The following UTRN variants were observed in gnomAD, a reference collection of about 807,000 sequenced individuals.
UTRN encodes the protein dystrophin-related protein 1.
UTRN carries 283 observed loss-of-function variants against 463.9 expected under a neutral mutation model. The observed-to-expected ratio is 0.61, with a 90% confidence interval of 0.55 to 0.67. The LOEUF is 0.67. UTRN is among the 30% of genes least tolerant of loss of function. The pLI, the probability that UTRN is intolerant of heterozygous loss-of-function variation, is 0.00. For missense variants in UTRN, 3,922 were observed against 4,084.3 expected, an observed-to-expected ratio of 0.96 and a Z score of 1.08; for synonymous variants, 1,442 against 1,431.5, an observed-to-expected ratio of 1.01 and a Z score of -0.17.
chr6:144,605,495 T>C (rs530015924), intron 51 of UTRN, among the ~76,000 whole-genome samples: 6 of 151,824 alleles, frequency 4.0e-5, no homozygotes, highest in Non-Finnish European at 8.8e-5. Context: ...TCTTATTTCA[T>C]TGTGACCGAA....
intron 2 of UTRN, chr6:144,344,256 T>G: frequency 7.7e-7 from 1 of 1,304,210 alleles, no homozygotes; most frequent in Non-Finnish European, 1.0e-6. Context: ...AAAGTGCAGA[T>G]TGGATTTGCC....
intron 19 of UTRN, among the ~76,000 whole-genome samples, chr6:144,456,453 CACCATCCT>C (rs1210079461): frequency 1.3e-5 from 2 of 151,946 alleles, no homozygotes; most frequent in Admixed American, 1.3e-4. Flanking sequence ...AGGAGATCAA[CACCATCCT>C]GGGCAACATG....
intron 51 of UTRN, among the ~76,000 whole-genome samples, chr6:144,655,793 C>G (rs1250174333): frequency 6.6e-6 from 1 of 152,176 alleles, no homozygotes; most frequent in Non-Finnish European, 1.5e-5. Flanking sequence ...CTTATTTGAG[C>G]TGTAAAGAAT....
At position 144,541,935 on chromosome 6, in the gene UTRN, G is replaced by A. The variant is rs1278266757; in HGVS notation, c.6520-860G>A. On this transcript the variant is annotated intron_variant, in intron 45 of 74. Coordinates refer to ENST00000367545, the MANE Select transcript of UTRN (RefSeq NM_007124.3). The stretch of plus-strand genomic sequence containing the variant: ...AGTGTCTAGAAGAGACAGAGAATGA[G>A]CACAGTGTATATAGGTCCAGGAAGT... Among the ~76,000 whole-genome samples the A allele has an allele frequency of 2.0e-5, 3 of 152,334 alleles. No individual in the cohort carries two copies. In the East Asian group the frequency reaches 5.8e-4, roughly 29 times the overall value.
At chr6:144,699,211 C>T (rs1394865138) in intron 52 of UTRN, among the ~76,000 whole-genome samples, 2 of 151,960 alleles carry the variant, frequency 1.3e-5, no homozygotes, top group East Asian at 1.9e-4. Flanking sequence ...AGTCCCTGGC[C>T]GGTGGATCAT....
chr6:144,772,584 A>G (rs1365130276), intron 59 of UTRN, among the ~76,000 whole-genome samples: 1 of 152,218 alleles, frequency 6.6e-6, no homozygotes, highest in Non-Finnish European at 1.5e-5. Flanking sequence ...TTGCACGCAA[A>G]AAATATATAT....
intron 51 of UTRN, among the ~76,000 whole-genome samples, chr6:144,677,757 C>G (rs1479614911): frequency 2.0e-5 from 3 of 152,158 alleles, no homozygotes; most frequent in Non-Finnish European, 2.9e-5. Flanking sequence ...CCAATTTCAC[C>G]ACATCCTCGC....
In UTRN at chr6:144,462,766, A is replaced by C; in HGVS notation, c.2966A>C (p.Glu989Ala). 1 of 1,612,004 alleles carries C rather than the reference A, an allele frequency of 6.2e-7. No individual in the cohort carries two copies. The highest frequency in any genetic ancestry group is 8.5e-7 in the Non-Finnish European group (1 of 1,179,560). ...HPDVEKLYKQ[E>A]FDDVQGKWNK... ...GATGTAGAAAAATTATATAAGCAAGAATTTGATGATGTGCAAGGAAAGTGG... is the reference window on the plus strand; with the variant it reads ...GATGTAGAAAAATTATATAAGCAAGCATTTGATGATGTGCAAGGAAAGTGG... Residue 989 changes from glutamate (E) to alanine (A), a missense_variant, in exon 23 of 75, where the codon GAA (glutamate) becomes GCA (alanine). By Grantham distance (107) the Glu-to-Ala change is moderately radical. Transcript: ENST00000367545.
intron 60 of UTRN, among the ~76,000 whole-genome samples, chr6:144,779,161 G>T (rs1311403387): frequency 6.6e-6 from 1 of 152,186 alleles, no homozygotes. Context: ...TGCCATGTGG[G>T]GATCCAATAG....
At chr6:144,678,663 C>T in intron 52 of UTRN, 85 bp downstream of exon 52, 4 of 1,204,478 alleles carry the variant, frequency 3.3e-6, no homozygotes, top group Non-Finnish European at 4.5e-6. Context: ...AGAGAAAGCG[C>T]AGCCTTACCA....
intron 64 of UTRN, among the ~76,000 whole-genome samples, chr6:144,801,346 T>C (rs1034443823): frequency 2.6e-5 from 4 of 151,982 alleles, no homozygotes; most frequent in African/African-American, 9.7e-5. Flanking sequence ...ACAATTCCAA[T>C]AGTAAAATGG....
intron 53 of UTRN, among the ~76,000 whole-genome samples, chr6:144,713,101 C>T (rs1485995717): frequency 3.9e-5 from 6 of 152,034 alleles, no homozygotes; most frequent in South Asian, 2.1e-4. Context: ...TTCATATTTT[C>T]GAATATTTGC....
intron 51 of UTRN, among the ~76,000 whole-genome samples, chr6:144,662,194 C>A (rs189367601): frequency 1.4e-4 from 21 of 152,202 alleles, no homozygotes; most frequent in Admixed American, 1.3e-3. Context: ...TGAATGTATT[C>A]TTTCCAAAGT....
intron 54 of UTRN, among the ~76,000 whole-genome samples, chr6:144,733,507 CAAAA>C (rs66466161): frequency 1.1e-4 from 12 of 105,462 alleles, no homozygotes; most frequent in African/African-American, 2.8e-4. Context: ...AACTCCATCT[CAAAA>C]AAAAAAAAAA....
chr6:144,851,053 A>G lies in UTRN; in HGVS notation c.*56A>G, dbSNP rs1782452043. On this transcript the variant is annotated 3_prime_UTR_variant, in exon 75 of 75. Coordinates refer to ENST00000367545, the MANE Select transcript of UTRN (RefSeq NM_007124.3). ...ACGTACAGTGTTGCCCTTTTCAGCA[A>G]ATGCCAATTCCAAGTTCCATTAAAT... 1 of 1,611,872 alleles carries G rather than the reference A, an allele frequency of 6.2e-7. No homozygotes were observed. Among genetic ancestry groups the G allele is most frequent in the Non-Finnish European group, 8.5e-7 (1 of 1,178,094 alleles).
chr6:144,556,761 G>A (rs1384065237), intron 49 of UTRN, among the ~76,000 whole-genome samples: 1 of 152,284 alleles, frequency 6.6e-6, no homozygotes, highest in South Asian at 2.1e-4. Context: ...AGACGTCCAT[G>A]TTGTTGATTC....
chr6:144,480,044 A>G (rs1395831080), intron 26 of UTRN, 62 bp downstream of exon 26: 18 of 1,550,618 alleles, frequency 1.2e-5, no homozygotes, highest in Non-Finnish European at 1.6e-5. Context: ...TAAAACCAGC[A>G]CATCAATCAT....
chr6:144,361,187 C>T (rs1229654773), intron 2 of UTRN, among the ~76,000 whole-genome samples: 1 of 152,162 alleles, frequency 6.6e-6, no homozygotes, highest in African/African-American at 2.4e-5. Flanking sequence ...CACTTAATGT[C>T]CCTGACTAAT....
rs779913521 is a variant in UTRN at position 144,531,090 on chromosome 6, A to G, written c.5945A>G (p.His1982Arg). Residue 1982 changes from histidine (H) to arginine (R), a missense_variant, in exon 42 of 75, where the codon CAT becomes CGT. Around this residue, in one of 3 missense-constraint regions of UTRN, gnomAD observed 2,349 missense variants for 2,303.8 expected, o/e 1.02. Transcript: ENST00000367545. ...DRAMEEWRQF[H>R]CDLNDLTQWI... is the part of the protein sequence containing the mutation. ...GCAATGGAAGAATGGAGACAGTTCC[A>G]TTGTGACCTTAATGACCTCACACAG... The G allele has an allele frequency of 8.7e-6, 14 of 1,614,058 alleles. 1 individual carries two copies. In the Admixed American group the frequency reaches 1.8e-4, roughly 21 times the overall value.
Sources: allele counts gnomAD v4.1 joint callset (sites outside exome capture counted in the v4.1 genomes callset), GRCh38; gene constraint gnomAD v4.1.1; regional missense constraint gnomAD v4.1.1; transcripts MANE v1.5; gene names NCBI Gene and HGNC (gene_info 2026-07-23, HGNC 2026-07-21).